The following TMPRSS11F variants were observed in gnomAD, a reference collection of about 807,000 sequenced individuals.
The protein encoded by TMPRSS11F is transmembrane serine protease 11F.
Under a neutral mutation model 60.2 loss-of-function variants are expected in TMPRSS11F, and 47 were observed. The observed-to-expected ratio is 0.78, with a 90% CI of 0.62 to 1.00. TMPRSS11F has a LOEUF of 1.00. TMPRSS11F is among the 50% of genes least tolerant of loss of function. TMPRSS11F has a pLI of 0.00. For synonymous variants in TMPRSS11F, 166 were observed against 167.3 expected (o/e 0.99, Z 0.06); for missense variants, 519 against 522.9 (o/e 0.99, Z 0.07).
intron 2 of TMPRSS11F, among the ~76,000 whole-genome samples, chr4:68,092,988 C>T (rs1022435856): frequency 6.6e-6 from 1 of 152,096 alleles, no homozygotes; most frequent in African/African-American, 2.4e-5. Context: ...ATTAATAATA[C>T]CTTTCCTTTA....
rs144917290 is a variant in TMPRSS11F, at chr4:68,072,160, T to C, written c.514+163A>G. 3.3e-3 allele frequency among the ~76,000 whole-genome samples: 479 copies of C among 144,920 alleles called. 5 individuals carry two copies. Among genetic ancestry groups the C allele is most frequent in the African/African-American group, 0.012 (466 of 40,084 alleles). On this transcript the variant is annotated intron_variant, in intron 5 of 9. Transcript: ENST00000356291. The stretch of plus-strand genomic sequence containing the variant: ...AGTTGTAATACTAAATTTTGCCTCA[T>C]AGTGGAATTTTATTTTAGTTTTATT...
In TMPRSS11F at chr4:68,055,347, G is replaced by C. The variant is rs148554482; in HGVS notation, c.1159-1280C>G. ...TGGCTCTTATTTGACTAACGCATGA[G>C]AGGAGCATAAGAGTAAAAATGAGGA... On this transcript the variant is annotated intron_variant, in intron 9 of 9. Transcript: ENST00000356291. Among the ~76,000 whole-genome samples the C allele has an allele frequency of 7.0e-3, 1,062 of 152,250 alleles. 8 individuals carry two copies. The highest frequency in any genetic ancestry group is 0.012 in the Non-Finnish European group (786 of 68,010).
intron 2 of TMPRSS11F, among the ~76,000 whole-genome samples, chr4:68,094,571 A>AAAAT (rs34202443): frequency 0.43 from 63,040 of 147,604 alleles, 14,645 homozygotes; most frequent in Non-Finnish European, 0.54. Flanking sequence ...AATAAATTTA[A>AAAAT]AAATAAATAA....
At chr4:68,099,369 C>A (rs1246282701) in intron 1 of TMPRSS11F, among the ~76,000 whole-genome samples, 1 of 152,142 alleles carries the variant, frequency 6.6e-6, no homozygotes, top group South Asian at 2.1e-4. Flanking sequence ...TTTAAAATAA[C>A]CTTAACAATT....
At chr4:68,120,907 G>T (rs933709116) in intron 1 of TMPRSS11F, among the ~76,000 whole-genome samples, 2 of 152,142 alleles carry the variant, frequency 1.3e-5, no homozygotes, top group African/African-American at 4.8e-5. Flanking sequence ...ATTAAGGTAT[G>T]TGCCTCTCTT....
At chr4:68,102,356 G>A (rs1022761977) in intron 1 of TMPRSS11F, among the ~76,000 whole-genome samples, 2 of 152,170 alleles carry the variant, frequency 1.3e-5, no homozygotes, top group Admixed American at 6.5e-5. Flanking sequence ...TTGCTGAGTC[G>A]TATGGTAGTT....
intron 8 of TMPRSS11F, 134 bp from the exon 9 acceptor site, chr4:68,059,602 T>G: frequency 1.2e-6 from 1 of 837,656 alleles, no homozygotes; most frequent in South Asian, 2.1e-5. Flanking sequence ...TCTTATTTTC[T>G]GTCATAAATG....
intron 1 of TMPRSS11F, among the ~76,000 whole-genome samples, chr4:68,108,403 C>T (rs928215053): frequency 5.9e-5 from 9 of 152,106 alleles, no homozygotes; most frequent in Non-Finnish European, 1.3e-4. Flanking sequence ...AGAGGGTGTA[C>T]AGAAGTCTGC....
At chr4:68,057,363 G>T (rs536530036) in intron 9 of TMPRSS11F, among the ~76,000 whole-genome samples, 1 of 150,578 alleles carries the variant, frequency 6.6e-6, no homozygotes, top group African/African-American at 2.4e-5. Context: ...AACTCAAAAT[G>T]GATTAAAAAC....
intron 1 of TMPRSS11F, among the ~76,000 whole-genome samples, chr4:68,122,525 T>A (rs1350887279): frequency 1.3e-5 from 2 of 152,200 alleles, no homozygotes; most frequent in African/African-American, 4.8e-5. Flanking sequence ...TTAAACATTA[T>A]AAATGAAACA....
chr4:68,098,022 C>T (rs1239538921), intron 2 of TMPRSS11F, among the ~76,000 whole-genome samples: 2 of 152,000 alleles, frequency 1.3e-5, no homozygotes, highest in East Asian at 1.9e-4. Flanking sequence ...ATGCAGAAAT[C>T]GGCGGGGCAT....
At chr4:68,086,207 C>A (rs2109860011) in intron 3 of TMPRSS11F, among the ~76,000 whole-genome samples, 1 of 152,132 alleles carries the variant, frequency 6.6e-6, no homozygotes, top group Non-Finnish European at 1.5e-5. Context: ...CAATAGAAAT[C>A]ATTACCAAGA....
chr4:68,062,164 G>T, intron 8 of TMPRSS11F: 1 of 416,608 alleles, frequency 2.4e-6, no homozygotes, highest in South Asian at 1.8e-5. Flanking sequence ...AATATGTAGA[G>T]TGATATTAAA....
chr4:68,096,847 C>A (rs1193476923), intron 2 of TMPRSS11F, among the ~76,000 whole-genome samples: 1 of 152,076 alleles, frequency 6.6e-6, no homozygotes, highest in Non-Finnish European at 1.5e-5. Flanking sequence ...AATTTTTACT[C>A]CACTGTCTTT....
chr4:68,072,251 T>TA (rs1723492453), intron 5 of TMPRSS11F, 72 bp downstream of exon 5: 3 of 119,504 alleles, frequency 2.5e-5, no homozygotes, highest in Admixed American at 1.0e-4. Flanking sequence ...ATATATATAT[T>TA]GCTTACAAAA....
intron 1 of TMPRSS11F, among the ~76,000 whole-genome samples, chr4:68,115,481 C>T (rs1056827600): frequency 4.0e-5 from 6 of 151,688 alleles, no homozygotes; most frequent in East Asian, 3.9e-4. Context: ...TTTTGAAGCT[C>T]GGAATGGAGC....
At chr4:68,064,314 A>C (rs1009988021) in intron 8 of TMPRSS11F, among the ~76,000 whole-genome samples, 1 of 151,656 alleles carries the variant, frequency 6.6e-6, no homozygotes, top group Non-Finnish European at 1.5e-5. Context: ...CCTCCCAAGT[A>C]ACTGGGATTA....
chr4:68,125,013 ATCATGC>A (rs1366034488), intron 1 of TMPRSS11F, among the ~76,000 whole-genome samples: 17 of 129,222 alleles, frequency 1.3e-4, no homozygotes, highest in African/African-American at 3.9e-4. Flanking sequence ...AGTTTTGAGA[ATCATGC>A]ATTGGGAATG....
intron 1 of TMPRSS11F, among the ~76,000 whole-genome samples, chr4:68,117,053 A>T (rs1420217235): frequency 6.6e-6 from 1 of 152,206 alleles, no homozygotes; most frequent in Non-Finnish European, 1.5e-5. Context: ...ACAAATTAAA[A>T]GGCGGTCTAC....
Sources: allele counts gnomAD v4.1 joint callset (sites outside exome capture counted in the v4.1 genomes callset), GRCh38; gene constraint gnomAD v4.1.1; transcripts MANE v1.5; gene names NCBI Gene and HGNC (gene_info 2026-07-23, HGNC 2026-07-21).